The following MOB3B variants were observed in gnomAD, a reference collection of about 807,000 sequenced individuals.
The protein encoded by MOB3B is MOB kinase activator-like 2B.
Under a neutral mutation model 18.7 loss-of-function variants are expected in MOB3B, and 7 were observed. The observed-to-expected ratio is 0.37, with a 90% confidence interval of 0.21 to 0.70. MOB3B has a LOEUF of 0.70. MOB3B is among the 30% of genes least tolerant of loss of function. The pLI is 0.52. For synonymous variants in MOB3B, 111 were observed against 99.9 expected, an observed-to-expected ratio of 1.11 and a Z score of -0.66; for missense variants, 253 against 281.3, an observed-to-expected ratio of 0.90 and a Z score of 0.72.
intron 3 of MOB3B, among the ~76,000 whole-genome samples, chr9:27,341,357 C>T (rs372956097): frequency 1.1e-4 from 16 of 152,248 alleles, no homozygotes; most frequent in Admixed American, 3.9e-4. Flanking sequence ...CCATAGAAGC[C>T]GTTCAGCCTA....
chr9:27,365,915 G>C (rs1005102660), intron 2 of MOB3B, among the ~76,000 whole-genome samples: 1 of 152,200 alleles, frequency 6.6e-6, no homozygotes, highest in Non-Finnish European at 1.5e-5. Context: ...GGAGTGCGCC[G>C]AGGCAACATG....
intron 2 of MOB3B, among the ~76,000 whole-genome samples, chr9:27,392,214 T>G (rs1286090699): frequency 6.6e-6 from 1 of 152,224 alleles, no homozygotes; most frequent in East Asian, 1.9e-4. Flanking sequence ...AACCATTTTT[T>G]GGTGGAATTC....
At chr9:27,414,064 T>A (rs762280927) in intron 2 of MOB3B, among the ~76,000 whole-genome samples, 1 of 152,238 alleles carries the variant, frequency 6.6e-6, no homozygotes, top group South Asian at 2.1e-4. Flanking sequence ...CATCTCCATA[T>A]CATGCCTAGT....
chr9:27,426,500 T>G (rs1216613920), intron 2 of MOB3B, among the ~76,000 whole-genome samples: 1 of 152,182 alleles, frequency 6.6e-6, no homozygotes, highest in Non-Finnish European at 1.5e-5. Context: ...ACCAAGCTAC[T>G]GTGAAGTGAA....
chr9:27,464,383 T>C (rs990824726), intron 1 of MOB3B, among the ~76,000 whole-genome samples: 7 of 152,228 alleles, frequency 4.6e-5, no homozygotes, highest in African/African-American at 1.7e-4. Context: ...CCAACATTTA[T>C]AACACACTTA....
chr9:27,461,321 C>T (rs1214293678), intron 1 of MOB3B, among the ~76,000 whole-genome samples: 1 of 152,166 alleles, frequency 6.6e-6, no homozygotes, highest in Non-Finnish European at 1.5e-5. Flanking sequence ...TTCCATCAGC[C>T]CTTATGCACT....
intron 2 of MOB3B, among the ~76,000 whole-genome samples, chr9:27,423,311 T>G (rs1258265007): frequency 1.3e-5 from 2 of 152,174 alleles, no homozygotes; most frequent in Admixed American, 6.5e-5. Context: ...AATATTAATA[T>G]TATTATTGCA....
At position 27,491,594 on chromosome 9, in the gene MOB3B, G is replaced by T. The variant is rs143265771; in HGVS notation, c.-198-35846C>A. On this transcript the variant is annotated intron_variant, in intron 1 of 3. Transcript: ENST00000262244. ...AATTCCTTAAAAATCAATATAGGTG[G>T]TTGGGCACGGTGGCTCATGCCTGTA... Among the ~76,000 whole-genome samples, 88 of 152,258 alleles carry T rather than the reference G, an allele frequency of 5.8e-4. 2 individuals are homozygous for T. In the East Asian group the frequency reaches 0.013, roughly 22 times the overall value.
At chr9:27,523,178 T>C (rs1820367179) in intron 1 of MOB3B, among the ~76,000 whole-genome samples, 1 of 152,104 alleles carries the variant, frequency 6.6e-6, no homozygotes, top group Non-Finnish European at 1.5e-5. Flanking sequence ...ATCCATTTTA[T>C]TTTCCTGGAG....
intron 2 of MOB3B, among the ~76,000 whole-genome samples, chr9:27,366,060 G>A (rs1233458906): frequency 6.6e-6 from 1 of 152,192 alleles, no homozygotes; most frequent in Non-Finnish European, 1.5e-5. Flanking sequence ...AGGGTGCTGG[G>A]GTGAGGGTGG....
intron 2 of MOB3B, among the ~76,000 whole-genome samples, chr9:27,371,691 A>T (rs1461892523): frequency 6.6e-6 from 1 of 152,178 alleles, no homozygotes; most frequent in Non-Finnish European, 1.5e-5. Flanking sequence ...GTGTAATATG[A>T]TCGGGAGTGG....
At chr9:27,462,690 G>C (rs79437331) in intron 1 of MOB3B, among the ~76,000 whole-genome samples, 2 of 152,134 alleles carry the variant, frequency 1.3e-5, no homozygotes, top group Non-Finnish European at 2.9e-5. Flanking sequence ...AAAGGAAAAA[G>C]GTTCAAATTC....
chr9:27,478,100 T>C (rs921531597), intron 1 of MOB3B, among the ~76,000 whole-genome samples: 2 of 152,226 alleles, frequency 1.3e-5, no homozygotes, highest in Non-Finnish European at 2.9e-5. Context: ...CATGCACAAG[T>C]GTGTTGCACA....
chr9:27,521,749 A>C (rs1485723359), intron 1 of MOB3B, among the ~76,000 whole-genome samples: 1 of 152,150 alleles, frequency 6.6e-6, no homozygotes. Flanking sequence ...TGGCTGCAAG[A>C]ATAGTATATT....
chr9:27,411,851 T>C (rs1436695578), intron 2 of MOB3B, among the ~76,000 whole-genome samples: 1 of 152,106 alleles, frequency 6.6e-6, no homozygotes, highest in African/African-American at 2.4e-5. Context: ...TAATAACAAA[T>C]CAATTTTGGT....
At chr9:27,342,237 A>G (rs1820953684) in intron 3 of MOB3B, among the ~76,000 whole-genome samples, 1 of 152,306 alleles carries the variant, frequency 6.6e-6, no homozygotes, top group Admixed American at 6.5e-5. Context: ...TTTGACCCAC[A>G]TGGTTATAAA....
chr9:27,509,157 G>A (rs1038119027), intron 1 of MOB3B, among the ~76,000 whole-genome samples: 1 of 152,130 alleles, frequency 6.6e-6, no homozygotes, highest in African/African-American at 2.4e-5. Context: ...TTTTCTTAAT[G>A]CTCATTATTC....
chr9:27,487,096 A>C (rs1405547782), intron 1 of MOB3B, among the ~76,000 whole-genome samples: 2 of 147,016 alleles, frequency 1.4e-5, no homozygotes, highest in Non-Finnish European at 3.0e-5. Context: ...TCACCATTGC[A>C]CTCCAGCCTG....
intron 3 of MOB3B, among the ~76,000 whole-genome samples, chr9:27,338,317 C>T (rs1423395315): frequency 6.6e-6 from 1 of 152,120 alleles, no homozygotes; most frequent in African/African-American, 2.4e-5. Context: ...GTGAAGCTTA[C>T]AAGCCACGTA....
Sources: gnomAD v4.1 joint callset for allele counts (sites outside exome capture counted in the v4.1 genomes callset) on GRCh38, gnomAD v4.1.1 for gene constraint, MANE v1.5 for transcripts, NCBI Gene and HGNC (gene_info 2026-07-23, HGNC 2026-07-21) for gene names.